PKP1: variants seen among roughly 807,000 people sequenced by gnomAD.
PKP1 encodes plakophilin-1.
PKP1 carries 27 observed loss-of-function variants against 76.4 expected under a neutral mutation model. The ratio of observed to expected loss-of-function variants is 0.35; its 90% confidence interval spans 0.26 to 0.49. The LOEUF is 0.49. Among genes scored for constraint, PKP1 ranks in the 20% least tolerant of loss-of-function variants. PKP1 has a pLI of 0.99. For missense variants in PKP1, 964 were observed against 955.2 expected, an observed-to-expected ratio of 1.01 and a Z score of -0.12; for synonymous variants, 404 against 384.2, an observed-to-expected ratio of 1.05 and a Z score of -0.60.
chr1:201,284,820 G>A (rs954107049), intron 1 of PKP1, among the ~76,000 whole-genome samples: 13 of 152,072 alleles, frequency 8.5e-5, no homozygotes, highest in Admixed American at 5.2e-4. Context: ...GAACCCTCAC[G>A]GGCACTTTTC....
intron 13 of PKP1, 70 bp downstream of exon 13, chr1:201,328,938 A>G (rs543397782): frequency 5.2e-6 from 5 of 966,224 alleles, no homozygotes; most frequent in East Asian, 2.4e-5. Context: ...CTCAGAGACA[A>G]GGGCTAGGCC....
rs988705722 is a variant in PKP1, at chr1:201,332,830, G to A, written c.*2789G>A. 3 of 152,282 alleles carry A rather than the reference G, an allele frequency of 2.0e-5. No individual in the cohort carries two copies. The highest frequency in any genetic ancestry group is 7.2e-5 in the African/African-American group (3 of 41,454). The allele number at this position is 152,282 out of a possible 1,614,324, so 9.4% of individuals were successfully genotyped here. On this transcript the variant is annotated 3_prime_UTR_variant, in exon 14 of 14. Transcript: ENST00000367324. ...CAGGGAAGGGAAGCCGGGGGCTGCT[G>A]TGAGGGATCTTGGAGCTTCCCTGTA...
At chr1:201,325,220 T>G in intron 11 of PKP1, 93 bp downstream of exon 11, 13 of 1,303,966 alleles carry the variant, frequency 1.0e-5, no homozygotes, top group Non-Finnish European at 1.4e-5. Flanking sequence ...CTCCATGGAG[T>G]AGGGGAAGCA....
intron 1 of PKP1, 118 bp downstream of exon 1, chr1:201,284,022 C>A (rs1655652974): frequency 1.0e-6 from 1 of 954,924 alleles, no homozygotes; most frequent in South Asian, 1.4e-5. Context: ...GGCTGCCGGC[C>A]CCAGGCAGGG....
intron 11 of PKP1, 102 bp from the exon 12 acceptor site, chr1:201,325,652 C>G (rs1257747092): frequency 7.8e-6 from 7 of 892,732 alleles, no homozygotes; most frequent in African/African-American, 1.6e-5. Context: ...TCTGAGGCCT[C>G]CCCTGTGTCC....
intron 1 of PKP1, among the ~76,000 whole-genome samples, chr1:201,288,403 A>G (rs1414294873): frequency 2.0e-5 from 3 of 152,198 alleles, no homozygotes; most frequent in Non-Finnish European, 2.9e-5. Context: ...TTGGCTACAT[A>G]TTGGAATCAC....
chr1:201,290,133 A>T (rs934783748), intron 1 of PKP1, among the ~76,000 whole-genome samples: 1 of 152,216 alleles, frequency 6.6e-6, no homozygotes. Flanking sequence ...AAAGGGAAGC[A>T]GTGTGCCAGG....
At position 201,283,734 on chromosome 1, in the gene PKP1, C is replaced by T. The variant is rs910380119; in HGVS notation, c.32C>T (p.Ala11Val). The T allele has an allele frequency of 2.5e-6, 4 of 1,614,110 alleles. No homozygotes were observed. Among genetic ancestry groups the T allele is most frequent in the Non-Finnish European group, 2.5e-6 (3 of 1,179,966 alleles). ...CACTCGCCGCTCAAGACCGCCTTGG[C>T]GTACGAATGCTTCCAGGACCAGGAC... MNHSPLKTAL[A>V]YECFQDQDNS... is the part of the protein sequence containing the mutation. The change falls in exon 1 of 14, where the codon GCG becomes GTG. Residue 11 changes from alanine (A) to valine (V), a missense_variant. Transcript: ENST00000367324.
At position 201,283,686 on chromosome 1, in the gene PKP1, A is replaced by G. The variant is rs1039001871; in HGVS notation, c.-17A>G. The G allele has an allele frequency of 6.2e-7, 1 of 1,610,322 alleles. No homozygotes were observed. The highest frequency in any genetic ancestry group is 8.5e-7 in the Non-Finnish European group (1 of 1,178,182). On this transcript the variant is annotated 5_prime_UTR_variant, in exon 1 of 14. Coordinates refer to ENST00000367324, the MANE Select transcript of PKP1 (RefSeq NM_001005337.3). ...CTCTCCTAGGCCCCGGCCGCGCGCCACCCGCCTCCCGCCACCATGAACCAC... is the reference window on the plus strand; with the variant it reads ...CTCTCCTAGGCCCCGGCCGCGCGCCGCCCGCCTCCCGCCACCATGAACCAC...
At chr1:201,290,052 T>A (rs796635112) in intron 1 of PKP1, among the ~76,000 whole-genome samples, 7 of 151,974 alleles carry the variant, frequency 4.6e-5, no homozygotes, top group African/African-American at 1.7e-4. Flanking sequence ...GTTTCAAAGG[T>A]TTTGAGGCGA....
At chr1:201,296,976 T>C (rs1282210486) in intron 2 of PKP1, among the ~76,000 whole-genome samples, 5 of 152,180 alleles carry the variant, frequency 3.3e-5, no homozygotes, top group Non-Finnish European at 7.3e-5. Context: ...CATTTAAATA[T>C]GTAAAGGATC....
At chr1:201,311,900 C>T (rs1339183589) in intron 2 of PKP1, among the ~76,000 whole-genome samples, 1 of 152,270 alleles carries the variant, frequency 6.6e-6, no homozygotes, top group South Asian at 2.1e-4. Context: ...CCTCCTCGGA[C>T]AGTTCTGTTC....
At chr1:201,321,660 G>A (rs1656944873) in intron 7 of PKP1, among the ~76,000 whole-genome samples, 2 of 152,186 alleles carry the variant, frequency 1.3e-5, no homozygotes, top group African/African-American at 2.4e-5. Flanking sequence ...TAGGCCCTGT[G>A]ATAAGTGCTT....
chr1:201,321,985 A>G lies in PKP1; in HGVS notation c.1355A>G (p.Glu452Gly), dbSNP rs1272230675. The change falls in exon 8 of 14, where the codon GAA (glutamate) becomes GGA (glycine). Residue 452 changes from glutamate to glycine, a missense_variant. Transcript: ENST00000367324. ...CCTCTCCTTGGTCCCCAGTCTGTGG[A>G]AAACTGCATGTGTGTTCTGCACAAC... ...AASRCDDKSV[E>G]NCMCVLHNLS... 6.2e-7 allele frequency: 1 copy of G among 1,613,802 alleles called. No homozygotes were observed. The highest frequency in any genetic ancestry group is 8.5e-7 in the Non-Finnish European group (1 of 1,179,990).
chr1:201,286,087 C>T (rs1655725234), intron 1 of PKP1, among the ~76,000 whole-genome samples: 3 of 152,224 alleles, frequency 2.0e-5, no homozygotes, highest in Non-Finnish European at 2.9e-5. Flanking sequence ...ATCAGAAACA[C>T]CCAAACGTCC....
intron 2 of PKP1, among the ~76,000 whole-genome samples, chr1:201,304,870 C>T (rs1217650928): frequency 6.6e-6 from 1 of 152,226 alleles, no homozygotes; most frequent in African/African-American, 2.4e-5. Flanking sequence ...GCCTAAAGTT[C>T]TCTGAGCTTA....
At chr1:201,320,858 T>TC (rs1656918504) in intron 7 of PKP1, among the ~76,000 whole-genome samples, 1 of 152,056 alleles carries the variant, frequency 6.6e-6, no homozygotes, top group African/African-American at 2.4e-5. Flanking sequence ...GGGCTTAGTG[T>TC]CCCCCCTGAG....
At chr1:201,322,990 C>G in intron 8 of PKP1, 23 bp from the exon 9 acceptor site, 1 of 1,613,040 alleles carries the variant, frequency 6.2e-7, no homozygotes, top group Admixed American at 1.7e-5. Context: ...CATTGACCCC[C>G]CTGACCGGCT....
intron 2 of PKP1, among the ~76,000 whole-genome samples, chr1:201,309,433 G>T (rs1008579451): frequency 6.6e-6 from 1 of 152,128 alleles, no homozygotes; most frequent in Admixed American, 6.5e-5. Context: ...ATGTCTCTCA[G>T]AATGCTCTGG....
Sources: gnomAD v4.1 joint callset for allele counts (sites outside exome capture counted in the v4.1 genomes callset) on GRCh38, gnomAD v4.1.1 for gene constraint, MANE v1.5 for transcripts, NCBI Gene and HGNC (gene_info 2026-07-23, HGNC 2026-07-21) for gene names.